The following SYNE3 variants were observed in gnomAD, a reference collection of about 807,000 sequenced individuals.
The protein encoded by SYNE3 is spectrin repeat containing nuclear envelope family member 3.
SYNE3 carries 100 observed loss-of-function variants against 111.2 expected under a neutral mutation model. The ratio of observed to expected loss-of-function variants is 0.90; its 90% CI spans 0.77 to 1.06. The LOEUF is 1.06. Ranked by LOEUF, SYNE3 falls within the 50% of genes least tolerant of loss-of-function variation. The pLI, the probability that SYNE3 is intolerant of heterozygous loss-of-function variation, is 0.00. For synonymous variants in SYNE3, 547 were observed against 533.9 expected (o/e 1.02, Z -0.34); for missense variants, 1,160 against 1,240.3 (o/e 0.94, Z 0.97).
chr14:95,456,496 C>T (rs565838156), intron 5 of SYNE3, among the ~76,000 whole-genome samples: 6 of 152,292 alleles, frequency 3.9e-5, no homozygotes, highest in East Asian at 1.9e-4. Flanking sequence ...CATCCTTGGC[C>T]GCCACCCAGA....
At position 95,436,870 on chromosome 14, in the gene SYNE3, T is replaced by G. The variant is rs1227025176; in HGVS notation, c.2488A>C (p.Met830Leu). The G allele has an allele frequency of 3.1e-6, 5 of 1,614,208 alleles. No homozygotes were observed. Among genetic ancestry groups the G allele is most frequent in the Non-Finnish European group, 3.4e-6 (4 of 1,180,034 alleles). ...AAGTCCTCAGCTGTAGAAGTTCTCA[T>G]TGCGATGATTCTAACCAGCTTGGAG... ...ENSKLVRIIA[M>L]RTSTAEDLRT... The change falls in exon 15 of 18, where the codon ATG (methionine) becomes CTG (leucine). Residue 830 changes from methionine (M) to leucine (L), a missense_variant. Met to Leu is a conservative substitution (Grantham distance 15). Transcript: ENST00000682763.
intron 17 of SYNE3, among the ~76,000 whole-genome samples, chr14:95,424,805 A>C (rs1187760): frequency 0.74 from 112,574 of 152,068 alleles, 42,143 homozygotes; most frequent in Non-Finnish European, 0.82. Flanking sequence ...AGGAACTGGG[A>C]CAGACTGGAG....
At chr14:95,430,446 G>GATC (rs1448571124) in intron 17 of SYNE3, among the ~76,000 whole-genome samples, 1 of 150,502 alleles carries the variant, frequency 6.6e-6, no homozygotes, top group East Asian at 2.0e-4. Context: ...GGGCTTAAGT[G>GATC]ATCAGAAGCA....
rs145341569 is a variant in SYNE3, at chr14:95,480,452, C to T, written c.-14-4617G>A. Among the ~76,000 whole-genome samples, 1,124 of 152,254 alleles carry T rather than the reference C, an allele frequency of 7.4e-3. 15 individuals carry two copies. The highest frequency in any genetic ancestry group is 0.025 in the African/African-American group (1,048 of 41,530). ...GGCAGATGATGTGGCAGGCTTGAGA[C>T]CGAGCCCATGCTCAGAACACAGAAC... On this transcript the variant is annotated intron_variant, in intron 1 of 17. Transcript: ENST00000682763.
intron 16 of SYNE3, among the ~76,000 whole-genome samples, chr14:95,432,647 A>ATTAT (rs1352238988): frequency 6.9e-6 from 1 of 144,022 alleles, no homozygotes; most frequent in African/African-American, 2.7e-5. Context: ...TATTATTATT[A>ATTAT]TTATTATTAT....
chr14:95,499,854 G>GTTTTTTTTTTTTTTT (rs1890259277), intron 1 of SYNE3, among the ~76,000 whole-genome samples: 2 of 53,758 alleles, frequency 3.7e-5, no homozygotes, highest in African/African-American at 1.9e-4. Flanking sequence ...ACTAACTCTT[G>GTTTTTTTTTTTTTTT]TCTTTTTTTT....
chr14:95,443,295 G>T lies in SYNE3; in HGVS notation c.1777-6C>A, dbSNP rs1886511293. 6.2e-7 allele frequency: 1 copy of T among 1,614,066 alleles called. No individual in the cohort carries two copies. Among genetic ancestry groups the T allele is most frequent in the Non-Finnish European group, 8.5e-7 (1 of 1,180,012 alleles). On this transcript the variant is annotated splice_polypyrimidine_tract_variant and splice_region_variant and intron_variant, in intron 10 of 17. Coordinates refer to ENST00000682763, the MANE Select transcript of SYNE3 (RefSeq NM_152592.6). ...AGCCCCTCTTCCTGCAGCCCCTGCA[G>T]TAGAGAAGGGAACAGGTAGGCTAAT...
intron 1 of SYNE3, among the ~76,000 whole-genome samples, chr14:95,484,049 A>T (rs1350638613): frequency 1.3e-5 from 2 of 152,162 alleles, no homozygotes; most frequent in Non-Finnish European, 2.9e-5. Context: ...CCAACCATAA[A>T]ACCCATTTCC....
chr14:95,414,449 C>G lies in SYNE3; in HGVS notation c.*3377G>C, dbSNP rs1001297245. On this transcript the variant is annotated 3_prime_UTR_variant, in exon 18 of 18. Coordinates refer to ENST00000682763, the MANE Select transcript of SYNE3 (RefSeq NM_152592.6). ...GTCGGTGTTCCCTCTGTCCCGCCAC[C>G]ACTGGGCACCTCCCAGGGTCTCCTC... 1.3e-5 allele frequency: 2 copies of G among 152,270 alleles called. No individual in the cohort carries two copies. Among genetic ancestry groups the G allele is most frequent in the African/African-American group, 4.8e-5 (2 of 41,446 alleles). The allele number at this position is 152,270 out of a possible 1,614,324, so 9.4% of individuals were successfully genotyped here. A position where few individuals can be genotyped will look rare whatever the true frequency, so the allele number is the denominator to read the frequency against.
intron 11 of SYNE3, 99 bp from the exon 12 acceptor site, chr14:95,440,174 GA>G: frequency 7.1e-7 from 1 of 1,417,696 alleles, no homozygotes; most frequent in East Asian, 2.3e-5. Flanking sequence ...ACCCGCTGGG[GA>G]CCCCAGGGCT....
In SYNE3 at chr14:95,450,103, A is replaced by G; in HGVS notation, c.1277T>C (p.Leu426Pro). 6.4e-7 allele frequency: 1 copy of G among 1,574,704 alleles called. No individual in the cohort carries two copies. Among genetic ancestry groups the G allele is most frequent in the Non-Finnish European group, 8.6e-7 (1 of 1,159,492 alleles). The change falls in exon 8 of 18, where the codon CTG (leucine) becomes CCG (proline). Residue 426 changes from leucine to proline, a missense_variant and splice_region_variant. Transcript: ENST00000682763. ...VIATIQEYQS[L>P]KVKSARLRNA... is the part of the protein sequence containing the mutation. The stretch of plus-strand genomic sequence containing the variant: ...GCGCAGCCTCGCGCTCTTCACCTTC[A>G]GGCTGCAAGGAGCGTGGAGGGAGAA...
chr14:95,452,456 G>T (rs1228379644), intron 6 of SYNE3, 73 bp from the exon 7 acceptor site: 6 of 1,463,924 alleles, frequency 4.1e-6, no homozygotes, highest in African/African-American at 2.8e-5. Flanking sequence ...GCAGGAGGGT[G>T]AGCGTGGCCA....
chr14:95,498,497 G>C (rs1051152339), intron 1 of SYNE3, among the ~76,000 whole-genome samples: 6 of 152,224 alleles, frequency 3.9e-5, no homozygotes, highest in African/African-American at 1.4e-4. Flanking sequence ...GGGATTACAG[G>C]CGTGAGCCAC....
chr14:95,494,324 G>C (rs1180179347), intron 1 of SYNE3, among the ~76,000 whole-genome samples: 1 of 152,128 alleles, frequency 6.6e-6, no homozygotes, highest in African/African-American at 2.4e-5. Context: ...GAAGATTCCA[G>C]GAGAGGCTCA....
chr14:95,446,002 C>T lies in SYNE3; in HGVS notation c.1539G>A (p.Glu513=). The change falls in exon 9 of 18, where the codon GAG becomes GAA. Residue 513 remains glutamate, a synonymous_variant. Coordinates refer to ENST00000682763, the MANE Select transcript of SYNE3 (RefSeq NM_152592.6). ...CCTGCTCCAGGAGTGCCGTGGCTCT[C>T]TCCTGGCCAAAGATGCCAATCAGGA... is the stretch of plus-strand genomic sequence containing the variant. ...KDLLIGIFGQ[E]RATALLEQVA... 6.2e-7 allele frequency: 1 copy of T among 1,614,184 alleles called. No homozygotes were observed. Among genetic ancestry groups the T allele is most frequent in the Non-Finnish European group, 8.5e-7 (1 of 1,180,034 alleles).
chr14:95,453,855 G>A (rs1376808485), intron 6 of SYNE3, among the ~76,000 whole-genome samples: 1 of 152,208 alleles, frequency 6.6e-6, no homozygotes, highest in Non-Finnish European at 1.5e-5. Flanking sequence ...ATGGCTGGGT[G>A]GCCTGGCTAA....
intron 16 of SYNE3, 130 bp from the exon 17 acceptor site, chr14:95,432,247 A>G (rs145957187): frequency 9.3e-7 from 1 of 1,073,332 alleles, no homozygotes; most frequent in Non-Finnish European, 1.4e-6. Context: ...ACTTCTGGTC[A>G]TCTGGACAGC....
rs17092460 is a variant in SYNE3 at position 95,467,791 on chromosome 14, C to T, written c.317+4G>A. 27,425 of 1,613,934 alleles carry T rather than the reference C, an allele frequency of 0.017. 2,607 individuals carry two copies. The Admixed American group carries it at 0.22, about 13-fold the overall frequency. On this transcript the variant is annotated splice_donor_region_variant and intron_variant, in intron 3 of 17. Transcript: ENST00000682763. The stretch of plus-strand genomic sequence containing the variant: ...GCTGTGGACAAAGGCCCTGGATGCC[C>T]TACCTGTGACAGTGAGTCATGTAGG...
intron 4 of SYNE3, among the ~76,000 whole-genome samples, chr14:95,462,753 G>A (rs535109277): frequency 6.6e-6 from 1 of 152,352 alleles, no homozygotes; most frequent in Non-Finnish European, 1.5e-5. Context: ...AGACACTAAC[G>A]CAGGACCTGA....
Sources: gnomAD v4.1 joint callset for allele counts (sites outside exome capture counted in the v4.1 genomes callset) on GRCh38, gnomAD v4.1.1 for gene constraint, MANE v1.5 for transcripts, NCBI Gene and HGNC (gene_info 2026-07-23, HGNC 2026-07-21) for gene names.